A1CF: variants seen among roughly 807,000 people sequenced by gnomAD.
A1CF encodes the protein APOBEC-1 stimulating protein.
Under a neutral mutation model 68.9 loss-of-function variants are expected in A1CF, and 48 were observed. The ratio of observed to expected loss-of-function variants is 0.70; its 90% confidence interval spans 0.55 to 0.89. The LOEUF is 0.89. Ranked by LOEUF, A1CF falls within the 40% of genes least tolerant of loss-of-function variation. The probability of loss-of-function intolerance (pLI) is 0.00; values close to 1 mark genes in which losing one functional copy is unlikely to be tolerated. For synonymous variants in A1CF, 272 were observed against 260.4 expected (o/e 1.04, Z -0.43); for missense variants, 653 against 718.9 (o/e 0.91, Z 1.05).
At chr10:50,870,542 G>A (rs1841214783) in intron 1 of A1CF, among the ~76,000 whole-genome samples, 1 of 151,688 alleles carries the variant, frequency 6.6e-6, no homozygotes, top group South Asian at 2.1e-4. Flanking sequence ...ACATGTAGTG[G>A]ACAAAACCTT....
At chr10:50,840,243 G>A (rs1191276879) in intron 5 of A1CF, among the ~76,000 whole-genome samples, 1 of 151,052 alleles carries the variant, frequency 6.6e-6, no homozygotes, top group Non-Finnish European at 1.5e-5. Context: ...AAAAAAAACT[G>A]CATCTAGAAT....
intron 5 of A1CF, among the ~76,000 whole-genome samples, chr10:50,839,294 C>A (rs568940396): frequency 5.1e-4 from 78 of 152,302 alleles, no homozygotes; most frequent in Non-Finnish European, 8.4e-4. Context: ...ATATCTATCT[C>A]AACTCAAATA....
chr10:50,820,819 A>T (rs1376753273), intron 7 of A1CF, among the ~76,000 whole-genome samples, 170 bp from the exon 8 acceptor site: 1 of 152,162 alleles, frequency 6.6e-6, no homozygotes, highest in Non-Finnish European at 1.5e-5. Flanking sequence ...GCAGTTTTTA[A>T]AATAAAATTT....
chr10:50,830,738 A>C (rs1360275483), intron 6 of A1CF, among the ~76,000 whole-genome samples: 1 of 152,196 alleles, frequency 6.6e-6, no homozygotes, highest in Non-Finnish European at 1.5e-5. Context: ...AATTCCAGTG[A>C]TGTTTTTCAC....
Position 50,806,869 on chromosome 10 carries a change from G to C in A1CF, c.1621C>G (p.Pro541Ala), listed in dbSNP as rs763070916. 4.3e-6 allele frequency: 7 copies of C among 1,609,450 alleles called. 1 individual carries two copies. In the South Asian group the frequency reaches 7.8e-5, roughly 18 times the overall value. The part of the protein sequence containing the change: ...AATAFPGYAV[P>A]NATAPVSAAQ... The stretch of plus-strand genomic sequence containing the variant: ...GCAGACACGGGTGCAGTTGCATTAG[G>C]GACAGCATATCCTGGAGGAAGAGGC... The change falls in exon 13 of 13, where the codon CCT becomes GCT. Residue 541 changes from proline (P) to alanine (A), a missense_variant. By Grantham distance (27) the Pro-to-Ala change is conservative (BLOSUM62 -1). Transcript: ENST00000373997.
Position 50,836,241 on chromosome 10 carries a change from GT to G in A1CF, c.436del (p.Thr146ProfsTer11). On this transcript the variant is annotated frameshift_variant, in exon 6 of 13. Coordinates refer to ENST00000373997, the MANE Select transcript of A1CF (RefSeq NM_014576.4). LOFTEE classifies it high-confidence loss of function. ...CRLFVGGIPKTKKREEILSEM... is the reference protein window; with the variant it reads ...CRLFVGGIPKXKKREEILSEM... Reference sequence around the variant, plus strand: ...CGATAAGATTTCTTCTCTCTTTTTGGTTTTTGGGATGCCCCCAACAAATAAT... The same window carrying G: ...CGATAAGATTTCTTCTCTCTTTTTGGTTTTGGGATGCCCCCAACAAATAAT... The G allele has an allele frequency of 1.9e-6, 3 of 1,613,886 alleles. No individual in the cohort carries two copies. Among genetic ancestry groups the G allele is most frequent in the Non-Finnish European group, 2.5e-6 (3 of 1,179,870 alleles).
chr10:50,813,243 T>C (rs2132325871), intron 10 of A1CF, among the ~76,000 whole-genome samples: 1 of 152,228 alleles, frequency 6.6e-6, no homozygotes, highest in East Asian at 1.9e-4. Flanking sequence ...TTTATAGCTT[T>C]TAATTTTCCA....
intron 3 of A1CF, among the ~76,000 whole-genome samples, chr10:50,857,152 G>C (rs755414686): frequency 1.3e-5 from 2 of 152,100 alleles, no homozygotes; most frequent in Non-Finnish European, 1.5e-5. Flanking sequence ...TCTGTGACAG[G>C]ATTTTAAGAC....
intron 3 of A1CF, among the ~76,000 whole-genome samples, chr10:50,854,786 C>G (rs1840401817): frequency 1.3e-5 from 2 of 151,514 alleles, no homozygotes; most frequent in African/African-American, 2.4e-5. Flanking sequence ...CAAAACAAAA[C>G]AAAACAAAAA....
In A1CF at chr10:50,802,018, TA is replaced by T. The variant is rs1837619717; in HGVS notation, c.*4710del. 6.6e-6 allele frequency: 1 copy of T among 152,168 alleles called. No individual in the cohort carries two copies. Among genetic ancestry groups the T allele is most frequent in the African/African-American group, 2.4e-5 (1 of 41,444 alleles). 9.4% of individuals were successfully genotyped at this position (152,168 alleles called of 1,614,324 possible). A position where few individuals can be genotyped will look rare whatever the true frequency, so the allele number is the denominator to read the frequency against. On this transcript the variant is annotated 3_prime_UTR_variant, in exon 13 of 13. Transcript: ENST00000373997. ...TAAACATTGTTGGACAACATGGCTT[TA>T]AAAATGTTGGACATTTGGAGGGCAA...
intron 1 of A1CF, among the ~76,000 whole-genome samples, chr10:50,883,641 C>T (rs1460218076): frequency 1.3e-5 from 2 of 152,076 alleles, no homozygotes; most frequent in African/African-American, 4.8e-5. Flanking sequence ...TGAGAAATGC[C>T]AATTTTGAGA....
intron 3 of A1CF, among the ~76,000 whole-genome samples, chr10:50,858,775 G>C (rs1445263671): frequency 1.3e-5 from 2 of 151,920 alleles, no homozygotes; most frequent in Non-Finnish European, 2.9e-5. Flanking sequence ...AAAATAATTT[G>C]AATTTTAAGT....
intron 10 of A1CF, among the ~76,000 whole-genome samples, chr10:50,812,115 T>C (rs1838143380): frequency 1.3e-5 from 2 of 152,252 alleles, no homozygotes; most frequent in Non-Finnish European, 2.9e-5. Flanking sequence ...TTTTTAATAC[T>C]CTTGTTGTGT....
Position 50,844,090 on chromosome 10 carries a change from T to C in A1CF, c.132A>G (p.Pro44=), listed in dbSNP as rs1004738908. The part of the protein sequence containing the change: ...ENGQRKYGGP[P]PGWDAAPPER... The stretch of plus-strand genomic sequence containing the variant: ...CAGGGGGTGCAGCATCCCAACCAGG[T>C]GGAGGGCCACCATATTTTCTTTGTC... Residue 44 remains proline, a synonymous_variant, in exon 4 of 13, where the codon CCA becomes CCG. Coordinates refer to ENST00000373997, the MANE Select transcript of A1CF (RefSeq NM_014576.4). 6.2e-7 allele frequency: 1 copy of C among 1,612,322 alleles called. No individual in the cohort carries two copies. Among genetic ancestry groups the C allele is most frequent in the Non-Finnish European group, 8.5e-7 (1 of 1,179,482 alleles).
intron 1 of A1CF, among the ~76,000 whole-genome samples, chr10:50,866,334 C>T (rs1840989058): frequency 6.6e-6 from 1 of 152,116 alleles, no homozygotes; most frequent in African/African-American, 2.4e-5. Context: ...GCCTATTTGA[C>T]CAAGAAAACA....
chr10:50,870,518 A>G (rs777491620), intron 1 of A1CF, among the ~76,000 whole-genome samples: 18 of 152,000 alleles, frequency 1.2e-4, no homozygotes, highest in Non-Finnish European at 2.5e-4. Flanking sequence ...TTTTACCAAT[A>G]ATTTGAAAAA....
At chr10:50,870,468 A>G (rs940169618) in intron 1 of A1CF, among the ~76,000 whole-genome samples, 23 of 151,894 alleles carry the variant, frequency 1.5e-4, no homozygotes, top group African/African-American at 5.3e-4. Context: ...GAAAAATTGG[A>G]TATAACCAAA....
In A1CF at chr10:50,804,423, C is replaced by G. The variant is rs1343023954; in HGVS notation, c.*2306G>C. On this transcript the variant is annotated 3_prime_UTR_variant, in exon 13 of 13. Transcript: ENST00000373997. ...TGCATTGACAAGACATCCAGAATAC[C>G]CTTTGCTGTTTATTTGCAAAGATTT... 1.3e-5 allele frequency: 2 copies of G among 152,026 alleles called. No individual in the cohort carries two copies. Among genetic ancestry groups the G allele is most frequent in the African/African-American group, 4.8e-5 (2 of 41,404 alleles). 9.4% of individuals were successfully genotyped at this position (152,026 alleles called of 1,614,324 possible). A position where few individuals can be genotyped will look rare whatever the true frequency, so the allele number is the denominator to read the frequency against.
rs1411664395 is a variant in A1CF at position 50,820,546 on chromosome 10, C to T, written c.867+6G>A. 1 of 1,612,426 alleles carries T rather than the reference C, an allele frequency of 6.2e-7. No individual in the cohort carries two copies. Among genetic ancestry groups the T allele is most frequent in the Non-Finnish European group, 8.5e-7 (1 of 1,179,330 alleles). On this transcript the variant is annotated splice_donor_region_variant and intron_variant, in intron 8 of 12. Transcript: ENST00000373997. The stretch of plus-strand genomic sequence containing the variant: ...TCTGCATATTTTTTTCTTTCTTCTA[C>T]CTTACCTTGCCATTTAAAGCTTTCA...
Sources: allele counts gnomAD v4.1 joint callset (sites outside exome capture counted in the v4.1 genomes callset), GRCh38; gene constraint gnomAD v4.1.1; transcripts MANE v1.5; gene names NCBI Gene and HGNC (gene_info 2026-07-23, HGNC 2026-07-21).